Variants in KCNU1 observed in about 807,000 individuals in gnomAD.
KCNU1 encodes the protein potassium calcium-activated channel subfamily U member 1.
A neutral mutation model predicts 126.8 loss-of-function variants in KCNU1; 93 were observed. The ratio of observed to expected loss-of-function variants is 0.73; its 90% CI spans 0.62 to 0.87. KCNU1 has a LOEUF of 0.87. KCNU1 is among the 40% of genes least tolerant of loss of function. The pLI, the probability that KCNU1 is intolerant of heterozygous loss-of-function variation, is 0.00. For synonymous variants in KCNU1, 523 were observed against 494.2 expected, an observed-to-expected ratio of 1.06 and a Z score of -0.77; for missense variants, 1,330 against 1,367.1, an observed-to-expected ratio of 0.97 and a Z score of 0.43.
At chr8:36,889,719 A>G (rs1806879860) in intron 19 of KCNU1, among the ~76,000 whole-genome samples, 1 of 152,144 alleles carries the variant, frequency 6.6e-6, no homozygotes, top group African/African-American at 2.4e-5. Flanking sequence ...TTGAAGTAAT[A>G]GTAGCTGAGA....
Position 36,854,256 on chromosome 8 carries a change from G to A in KCNU1, c.1891+8357G>A, listed in dbSNP as rs531665531. On this transcript the variant is annotated intron_variant, in intron 18 of 26. Coordinates refer to ENST00000399881, the MANE Select transcript of KCNU1 (RefSeq NM_001031836.3). ...AAGCTTTTTAGTTGTGTAGATTAAT[G>A]TTTTTCAACCACTTTGAGAAGTTAT... Among the ~76,000 whole-genome samples, 17 of 152,136 alleles carry A rather than the reference G, an allele frequency of 1.1e-4. 4 individuals are homozygous for A. The highest frequency in any genetic ancestry group is 4.1e-4 in the African/African-American group (17 of 41,524).
At chr8:36,887,131 A>C (rs866321100) in intron 19 of KCNU1, among the ~76,000 whole-genome samples, 58 of 152,148 alleles carry the variant, frequency 3.8e-4, no homozygotes, top group African/African-American at 1.3e-3. Context: ...TCTTTTTGAC[A>C]TAATTACTTA....
At position 36,841,050 on chromosome 8, in the gene KCNU1, TTTTTTTC is replaced by T. The variant is rs759336411; in HGVS notation, c.1703+48_1703+54del. ...TCTTCAGTTGTTTTTTTTTTTTTTTTTTTTTTCCTGGAGATTCTTTGTGATTAAGAAT... is the reference window on the plus strand; with the variant it reads ...TCTTCAGTTGTTTTTTTTTTTTTTTTCTGGAGATTCTTTGTGATTAAGAAT... On this transcript the variant is annotated intron_variant, in intron 16 of 26. Coordinates refer to ENST00000399881, the MANE Select transcript of KCNU1 (RefSeq NM_001031836.3). The T allele has an allele frequency of 7.8e-6, 10 of 1,285,640 alleles. No individual in the cohort carries two copies. In the East Asian group the frequency reaches 1.4e-4, roughly 18 times the overall value. 79.6% of individuals were successfully genotyped at this position (1,285,640 alleles called of 1,614,324 possible). A position where few individuals can be genotyped will look rare whatever the true frequency, so the allele number is the denominator to read the frequency against.
At chr8:36,888,956 G>T in intron 19 of KCNU1, 1 of 397,940 alleles carries the variant, frequency 2.5e-6, no homozygotes, top group Non-Finnish European at 5.1e-6. Flanking sequence ...ACAGCTCACT[G>T]CAATTTCTGC....
intron 6 of KCNU1, among the ~76,000 whole-genome samples, chr8:36,808,280 G>A (rs887797009): frequency 6.6e-6 from 1 of 152,044 alleles, no homozygotes; most frequent in East Asian, 1.9e-4. Flanking sequence ...TTTGTGTTCT[G>A]TTCAGAATTT....
chr8:36,935,650 T>C lies in KCNU1; in HGVS notation c.3180T>C (p.Asn1060=). 1 of 1,613,446 alleles carries C rather than the reference T, an allele frequency of 6.2e-7. No individual in the cohort carries two copies. Among genetic ancestry groups the C allele is most frequent in the East Asian group, 2.2e-5 (1 of 44,842 alleles). Residue 1060 remains asparagine, a synonymous_variant, in exon 27 of 27, where the codon AAT becomes AAC. Transcript: ENST00000399881. ...FSLQKSYEIV[N]KASQTTETHS... The stretch of plus-strand genomic sequence containing the variant: ...TGCAAAAGTCATATGAAATTGTAAA[T>C]AAAGCATCACAGACAACAGAGACAC...
chr8:36,862,299 C>T (rs1476449843), intron 18 of KCNU1, among the ~76,000 whole-genome samples: 1 of 152,062 alleles, frequency 6.6e-6, no homozygotes, highest in Non-Finnish European at 1.5e-5. Flanking sequence ...GGGACTTTGT[C>T]TTATTTTTTT....
chr8:36,785,688 G>A (rs975079541), intron 1 of KCNU1, among the ~76,000 whole-genome samples: 2 of 152,156 alleles, frequency 1.3e-5, no homozygotes, highest in African/African-American at 4.8e-5. Context: ...AAATAGCTAT[G>A]ATGGATCTGC....
chr8:36,920,273 C>A lies in KCNU1; in HGVS notation c.2596+1376C>A, dbSNP rs10097946. Among the ~76,000 whole-genome samples, 1,462 of 152,198 alleles carry A rather than the reference C, an allele frequency of 9.6e-3. 21 individuals are homozygous for A. Among genetic ancestry groups the A allele is most frequent in the African/African-American group, 0.033 (1,389 of 41,522 alleles). ...GTCCTTTATATAAAATGGTGTAGTA[C>A]TGTCAACCCTCAGTATCCATGGGTT... On this transcript the variant is annotated intron_variant, in intron 23 of 26. Coordinates refer to ENST00000399881, the MANE Select transcript of KCNU1 (RefSeq NM_001031836.3).
intron 5 of KCNU1, among the ~76,000 whole-genome samples, chr8:36,807,151 A>G (rs1317145257): frequency 1.3e-5 from 2 of 152,198 alleles, no homozygotes; most frequent in Non-Finnish European, 2.9e-5. Flanking sequence ...TTCCCATCTT[A>G]CAGATAAGGA....
At chr8:36,857,606 TTTTG>T (rs919031979) in intron 18 of KCNU1, among the ~76,000 whole-genome samples, 4 of 148,862 alleles carry the variant, frequency 2.7e-5, no homozygotes, top group Middle Eastern at 3.2e-3. Context: ...TTGTTTTGTT[TTTTG>T]TTTGTTTGTT....
At chr8:36,814,490 G>GCACA in intron 8 of KCNU1, 113 bp downstream of exon 8, 1 of 766,502 alleles carries the variant, frequency 1.3e-6, no homozygotes, top group Middle Eastern at 3.3e-4. Flanking sequence ...ATTACTTGGG[G>GCACA]CACATGTCAA....
rs367637326 is a variant in KCNU1, at chr8:36,931,070, G to A, written c.2856G>A (p.Thr952=). 159 of 1,611,738 alleles carry A rather than the reference G, an allele frequency of 9.9e-5. 1 individual carries two copies. In the East Asian group the frequency reaches 2.7e-3, roughly 28 times the overall value. ...TCTATGGTGTGGCAGATAGCTGCACGTCGCTCTTGTCTGGAAGAAACCGGT... is the reference window on the plus strand; with the variant it reads ...TCTATGGTGTGGCAGATAGCTGCACATCGCTCTTGTCTGGAAGAAACCGGT... ...DKVYGVADSC[T]SLLSGRNRCK... The change falls in exon 25 of 27, where the codon ACG becomes ACA. Residue 952 remains threonine (T), a synonymous_variant. Coordinates refer to ENST00000399881, the MANE Select transcript of KCNU1 (RefSeq NM_001031836.3).
chr8:36,864,602 A>T, intron 19 of KCNU1, 81 bp downstream of exon 19: 1 of 842,438 alleles, frequency 1.2e-6, no homozygotes, highest in Non-Finnish European at 2.1e-6. Flanking sequence ...AAACCAGAAT[A>T]TTTGCTTTAT....
At chr8:36,891,179 C>T (rs959666586) in intron 19 of KCNU1, among the ~76,000 whole-genome samples, 4 of 150,804 alleles carry the variant, frequency 2.7e-5, no homozygotes, top group African/African-American at 9.9e-5. Context: ...TTTTAATTCT[C>T]TTGTGATTTC....
chr8:36,898,578 G>GA (rs373024198), intron 19 of KCNU1, among the ~76,000 whole-genome samples: 16 of 147,244 alleles, frequency 1.1e-4, no homozygotes, highest in East Asian at 9.9e-4. Flanking sequence ...AAGGAAAAAA[G>GA]AAAAAAAAAA....
At chr8:36,864,564 G>T in intron 19 of KCNU1, 43 bp downstream of exon 19, 1 of 1,038,036 alleles carries the variant, frequency 9.6e-7, no homozygotes, top group Non-Finnish European at 1.5e-6. Context: ...GTTTTTTTGA[G>T]AATCAGTGGG....
chr8:36,862,395 C>T lies in KCNU1; in HGVS notation c.1892-2009C>T, dbSNP rs1372208273. On this transcript the variant is annotated intron_variant, in intron 18 of 26. Coordinates refer to ENST00000399881, the MANE Select transcript of KCNU1 (RefSeq NM_001031836.3). ...TTCTTTGTCTGCCTTATCTTGCAAC[C>T]TGGTAAATAAACAATTTTCAATTTC... Among the ~76,000 whole-genome samples, 4 of 152,032 alleles carry T rather than the reference C, an allele frequency of 2.6e-5. No homozygotes were observed. In the East Asian group the frequency reaches 7.7e-4, roughly 29 times the overall value.
At chr8:36,918,739 C>G in intron 22 of KCNU1, 84 bp from the exon 23 acceptor site, 1 of 855,154 alleles carries the variant, frequency 1.2e-6, no homozygotes, top group Non-Finnish European at 2.0e-6. Flanking sequence ...GATAAAGCAC[C>G]AAGTTACATT....
Sources: allele counts gnomAD v4.1 joint callset (sites outside exome capture counted in the v4.1 genomes callset), GRCh38; gene constraint gnomAD v4.1.1; transcripts MANE v1.5; gene names NCBI Gene and HGNC (gene_info 2026-07-23, HGNC 2026-07-21).